LAIR1: variants seen among roughly 807,000 people sequenced by gnomAD.
The protein encoded by LAIR1 is leukocyte-associated immunoglobulin-like receptor 1.
A neutral mutation model predicts 32.8 loss-of-function variants in LAIR1; 24 were observed. That is an observed-to-expected ratio of 0.73 (90% confidence interval 0.53 to 1.03). LAIR1 has a LOEUF of 1.03. LAIR1 is among the 50% of genes least tolerant of loss of function. The pLI is 0.00. For missense variants in LAIR1, 355 were observed against 347.5 expected (o/e 1.02, Z -0.17); for synonymous variants, 150 against 140.5 (o/e 1.07, Z -0.48).
At chr19:54,358,458 T>G (rs1183199420) in intron 4 of LAIR1, 2 of 1,085,084 alleles carry the variant, frequency 1.8e-6, no homozygotes, top group Non-Finnish European at 2.5e-6. Flanking sequence ...GGTCTGAAAT[T>G]CTACATTGCA....
In LAIR1 at chr19:54,358,707, G is replaced by A. The variant is rs910907550; in HGVS notation, c.415+1315C>T. On this transcript the variant is annotated intron_variant, in intron 4 of 9. Transcript: ENST00000391742. ...TCTAATCAGCACTGATGTCAGCGCCGTGTGTACCTGAACTCAAGTCTGCCC... is the reference window on the plus strand; with the variant it reads ...TCTAATCAGCACTGATGTCAGCGCCATGTGTACCTGAACTCAAGTCTGCCC... The A allele has an allele frequency of 1.6e-4, 150 of 958,116 alleles. 1 individual carries two copies. The highest frequency in any genetic ancestry group is 2.1e-4 in the Non-Finnish European group (134 of 638,974). 59.4% of individuals were successfully genotyped at this position (958,116 alleles called of 1,614,324 possible). A position where few individuals can be genotyped will look rare whatever the true frequency, so the allele number is the denominator to read the frequency against.
At chr19:54,368,239 A>T (rs2082316250), upstream of LAIR1, 1 of 152,158 alleles carries the variant, frequency 6.6e-6, no homozygotes, top group Non-Finnish European at 1.5e-5. Context: ...AATCATGAGG[A>T]CAAGGATAAA....
intron 2 of LAIR1, among the ~76,000 whole-genome samples, chr19:54,362,189 C>T (rs536110143): frequency 3.7e-4 from 56 of 152,234 alleles, no homozygotes; most frequent in Middle Eastern, 3.4e-3. Flanking sequence ...AATCTGCCCT[C>T]TTAGTGATTT....
At chr19:54,371,391 C>T (rs763281631), upstream of LAIR1, among the ~76,000 whole-genome samples, 1 of 151,314 alleles carries the variant, frequency 6.6e-6, no homozygotes, top group Non-Finnish European at 1.5e-5. Flanking sequence ...CTCCACTTCC[C>T]AGGCTCCAGC....
chr19:54,366,768 G>A (rs376743160), upstream of LAIR1, among the ~76,000 whole-genome samples: 164 of 152,320 alleles, frequency 1.1e-3, 5 homozygotes, highest in South Asian at 0.028. Flanking sequence ...GATTACAGGC[G>A]TGAACCACCA....
At chr19:54,360,568 C>A in intron 3 of LAIR1, 1 of 444,382 alleles carries the variant, frequency 2.3e-6, no homozygotes, top group Non-Finnish European at 4.1e-6. Flanking sequence ...GCGGGACCAT[C>A]CATCCCGTGT....
Position 54,356,979 on chromosome 19 carries a change from A to C in LAIR1, c.416-13T>G. On this transcript the variant is annotated splice_polypyrimidine_tract_variant and intron_variant, in intron 4 of 9. Coordinates refer to ENST00000391742, the MANE Select transcript of LAIR1 (RefSeq NM_002287.6). Reference sequence around the variant, plus strand: ...CTCTGCGTGGGTCCTGGGAGGGAGGAATCAGAAGGAGGAGGAGTTAGAGTC... The same window carrying C: ...CTCTGCGTGGGTCCTGGGAGGGAGGCATCAGAAGGAGGAGGAGTTAGAGTC... 1 of 1,613,070 alleles carries C rather than the reference A, an allele frequency of 6.2e-7. No homozygotes were observed. Among genetic ancestry groups the C allele is most frequent in the Non-Finnish European group, 8.5e-7 (1 of 1,179,536 alleles).
At chr19:54,375,920 T>C in the LAIR1 span, among the ~76,000 whole-genome samples, 2 of 151,672 alleles carry the variant, frequency 1.3e-5, no homozygotes, top group Admixed American at 6.6e-5. Context: ...TTTGTCACAA[T>C]GGAAGGCTCA....
In LAIR1 at chr19:54,356,396, G is replaced by A. The variant is rs1277384052; in HGVS notation, c.586C>T (p.Pro196Ser). ...TGCTCCTCGTCCTTGCTTCTGGGGGGCCCTAAGGACAGTCGGGGTGTGAAT... is the reference window on the plus strand; with the variant it reads ...TGCTCCTCGTCCTTGCTTCTGGGGGACCCTAAGGACAGTCGGGGTGTGAAT... Reference protein sequence around the residue: ...LHRQNQIKQGPPRSKDEEQKP... With the variant: ...LHRQNQIKQGSPRSKDEEQKP... Residue 196 changes from proline to serine, a missense_variant and splice_region_variant, in exon 7 of 10, where the codon CCC (proline) becomes TCC (serine). Physicochemically the swap from Pro to Ser is moderately conservative, Grantham distance 74 (BLOSUM62 -1). Coordinates refer to ENST00000391742, the MANE Select transcript of LAIR1 (RefSeq NM_002287.6). 3 of 1,594,266 alleles carry A rather than the reference G, an allele frequency of 1.9e-6. No individual in the cohort carries two copies. The highest frequency in any genetic ancestry group is 2.6e-6 in the Non-Finnish European group (3 of 1,170,576).
upstream of LAIR1, among the ~76,000 whole-genome samples, chr19:54,366,193 A>T (rs374554193): frequency 2.6e-5 from 4 of 152,212 alleles, no homozygotes; most frequent in African/African-American, 9.6e-5. Flanking sequence ...GTCAGCAATA[A>T]CGTCTTGTTC....
rs1341243419 is a variant in LAIR1, at chr19:54,355,918, A to T, written c.717+36T>A. 2 of 1,432,486 alleles carry T rather than the reference A, an allele frequency of 1.4e-6. No individual in the cohort carries two copies. The highest frequency in any genetic ancestry group is 2.3e-5 in the East Asian group (1 of 44,112). 88.7% of individuals were successfully genotyped at this position (1,432,486 alleles called of 1,614,324 possible). A position where few individuals can be genotyped will look rare whatever the true frequency, so the allele number is the denominator to read the frequency against. On this transcript the variant is annotated intron_variant, in intron 9 of 9. Coordinates refer to ENST00000391742, the MANE Select transcript of LAIR1 (RefSeq NM_002287.6). The surrounding 1 kb of genome is among the most constrained non-coding windows in gnomAD (Gnocchi z 4.7). ...AACTGAGATTTTTTTAAGCTGCTAA[A>T]TTTGGGGTACTTTAATAACTAGTAG...
chr19:54,373,466 T>A (rs555216290), upstream of LAIR1, among the ~76,000 whole-genome samples: 24 of 151,780 alleles, frequency 1.6e-4, no homozygotes, highest in African/African-American at 4.1e-4. Flanking sequence ...ATAAATAAAA[T>A]AAATAAGTCG....
intron 5 of LAIR1, 99 bp from the exon 6 acceptor site, chr19:54,356,718 A>G: frequency 1.5e-6 from 2 of 1,293,840 alleles, no homozygotes; most frequent in South Asian, 1.2e-5. Context: ...TTACTAATAT[A>G]TAAAATATCT....
At chr19:54,357,835 T>G (rs2081799662) in intron 4 of LAIR1, among the ~76,000 whole-genome samples, 1 of 151,820 alleles carries the variant, frequency 6.6e-6, no homozygotes, top group African/African-American at 2.4e-5. Context: ...CCCTCCTGCC[T>G]CGTCCACGGT....
chr19:54,355,786 G>C lies in LAIR1; in HGVS notation c.717+168C>G, dbSNP rs567999062. Among the ~76,000 whole-genome samples the C allele has an allele frequency of 2.6e-5, 4 of 152,248 alleles. No individual in the cohort carries two copies. The highest frequency in any genetic ancestry group is 2.6e-4 in the Admixed American group (4 of 15,302). The stretch of plus-strand genomic sequence containing the variant: ...TGGACGTGGATCCTCCAGCCCACGG[G>C]AGCCTTCGGATGCACACAGCCCTGG... On this transcript the variant is annotated intron_variant, in intron 9 of 9. Transcript: ENST00000391742. This position sits in a 1 kb window ranked among gnomAD's most constrained non-coding sequence, Gnocchi z 4.7.
At position 54,361,959 on chromosome 19, in the gene LAIR1, T is replaced by C. The variant is rs1187535959; in HGVS notation, c.71-750A>G. Among the ~76,000 whole-genome samples, 3 of 151,614 alleles carry C rather than the reference T, an allele frequency of 2.0e-5. No individual in the cohort carries two copies. In the East Asian group the frequency reaches 5.8e-4, roughly 29 times the overall value. ...GACGCCCTGAAACAGGAAGGTTGTG[T>C]CAAAATTAGCAAAATCCCTGAGCGG... is the stretch of plus-strand genomic sequence containing the variant. On this transcript the variant is annotated intron_variant, in intron 2 of 9. Transcript: ENST00000391742.
At chr19:54,375,878 AT>A in the LAIR1 span, among the ~76,000 whole-genome samples, 1 of 151,792 alleles carries the variant, frequency 6.6e-6, no homozygotes, top group African/African-American at 2.4e-5. Flanking sequence ...TTAACCGTAG[AT>A]TTTAACAAAT....
chr19:54,356,062 G>A, intron 8 of LAIR1, 56 bp from the exon 9 acceptor site: 1 of 1,420,040 alleles, frequency 7.0e-7, no homozygotes, highest in Non-Finnish European at 1.0e-6. Context: ...AGGCAAATCT[G>A]CCTGAGACCC....
intron 5 of LAIR1, 142 bp from the exon 6 acceptor site, chr19:54,356,761 G>A (rs564381754): frequency 5.8e-5 from 67 of 1,163,402 alleles, no homozygotes; most frequent in Middle Eastern, 4.0e-4. Flanking sequence ...TACAGGGATC[G>A]TTATCCCCTT....
Sources: allele counts gnomAD v4.1 joint callset (sites outside exome capture counted in the v4.1 genomes callset), GRCh38; gene constraint gnomAD v4.1.1; non-coding constraint Gnocchi (gnomAD v3.1); transcripts MANE v1.5; gene names NCBI Gene and HGNC (gene_info 2026-07-23, HGNC 2026-07-21).